The following FMNL1 variants were observed in gnomAD, a reference collection of about 807,000 sequenced individuals.
FMNL1 encodes the protein formin like 1, also known as formin-like protein 1.
A neutral mutation model predicts 121.3 loss-of-function variants in FMNL1; 43 were observed. That is an observed-to-expected ratio of 0.35 (90% CI 0.28 to 0.46). The LOEUF (loss-of-function observed/expected upper bound fraction) is 0.46. FMNL1 is among the 20% of genes least tolerant of loss of function. FMNL1 has a pLI of 1.00. For missense variants in FMNL1, 1,191 were observed against 1,482.4 expected, an observed-to-expected ratio of 0.80 and a Z score of 3.23; for synonymous variants, 613 against 613.5, an observed-to-expected ratio of 1.00 and a Z score of 0.01.
intron 10 of FMNL1, 71 bp downstream of exon 10, chr17:45,238,709 T>G: frequency 1.3e-6 from 2 of 1,586,372 alleles, no homozygotes; most frequent in Admixed American, 1.7e-5. Context: ...GCTAGGGTCC[T>G]GGGTGCTGGG....
chr17:45,236,539 G>A (rs2043554546), intron 7 of FMNL1: 2 of 282,764 alleles, frequency 7.1e-6, no homozygotes. Context: ...AGGGCCAGGG[G>A]AGAACAGCCT....
rs759433599 is a variant in FMNL1, at chr17:45,243,112, C to T, written c.2011-6C>T. The stretch of plus-strand genomic sequence containing the variant: ...CCAGCTCCGCCTCCTCACCCTGTAC[C>T]TTCAGGAGCTAGACATGAGTGATTT... On this transcript the variant is annotated splice_polypyrimidine_tract_variant and splice_region_variant and intron_variant, in intron 16 of 26. Transcript: ENST00000331495. 2.5e-6 allele frequency: 4 copies of T among 1,614,114 alleles called. No individual in the cohort carries two copies. The highest frequency in any genetic ancestry group is 3.4e-6 in the Non-Finnish European group (4 of 1,180,026).
chr17:45,233,874 TC>T lies in FMNL1; in HGVS notation c.485+145del. 7.4e-7 allele frequency: 1 copy of T among 1,347,530 alleles called. No individual in the cohort carries two copies. The highest frequency in any genetic ancestry group is 1.4e-5 in the South Asian group (1 of 71,496). 83.5% of individuals were successfully genotyped at this position (1,347,530 alleles called of 1,614,324 possible). A position where few individuals can be genotyped will look rare whatever the true frequency, so the allele number is the denominator to read the frequency against. On this transcript the variant is annotated intron_variant, in intron 5 of 26. Coordinates refer to ENST00000331495, the MANE Select transcript of FMNL1 (RefSeq NM_005892.4). This position sits in a 1 kb window ranked among gnomAD's most constrained non-coding sequence, Gnocchi z 4.1. Reference sequence around the variant, plus strand: ...CCCTCCACTTGGCCTTGAGCGATGCTCCTTCCAGAAGGCCTGCCCCCGACAG... The same window carrying T: ...CCCTCCACTTGGCCTTGAGCGATGCTCTTCCAGAAGGCCTGCCCCCGACAG...
chr17:45,232,279 C>T, intron 2 of FMNL1, 88 bp from the exon 3 acceptor site: 3 of 1,195,434 alleles, frequency 2.5e-6, no homozygotes, highest in Non-Finnish European at 3.6e-6. Context: ...CAGATCGGAG[C>T]TGAGAATGGG....
At chr17:45,244,683 G>A in intron 19 of FMNL1, 136 bp from the exon 20 acceptor site, 1 of 847,000 alleles carries the variant, frequency 1.2e-6, no homozygotes, top group Non-Finnish European at 1.9e-6. Flanking sequence ...TGGATCTGAG[G>A]GGCCTGTGCA....
In FMNL1 at chr17:45,245,968, C is replaced by T. The variant is rs534181387; in HGVS notation, c.3085C>T (p.Pro1029Ser). 1.1e-4 allele frequency: 167 copies of T among 1,557,894 alleles called. 1 individual carries two copies. In the South Asian group the frequency reaches 1.9e-3, roughly 18 times the overall value. ...CCCGGGCAAAGGGGAGCCCCCAGCA[C>T]CCAAGGTAGGCAACTGCTCCTGGGC... ...DTPGKGEPPA[P>S]KSPPKARRPQ... Residue 1029 changes from proline to serine, a missense_variant, in exon 24 of 27, where the codon CCC becomes TCC. By Grantham distance (74) the Pro-to-Ser change is moderately conservative. Around this residue, in one of 4 missense-constraint regions of FMNL1, gnomAD observed 367 missense variants for 528.6 expected, o/e 0.69. Coordinates refer to ENST00000331495, the MANE Select transcript of FMNL1 (RefSeq NM_005892.4).
intron 24 of FMNL1, 114 bp downstream of exon 24, chr17:45,246,087 C>G: frequency 6.5e-7 from 1 of 1,527,204 alleles, no homozygotes; most frequent in Non-Finnish European, 8.8e-7. Context: ...CCCCAGGAGC[C>G]TGGGATGGGA....
intron 25 of FMNL1, 83 bp downstream of exon 25, chr17:45,246,413 G>T (rs1038209688): frequency 1.2e-6 from 2 of 1,612,742 alleles, no homozygotes; most frequent in Admixed American, 3.3e-5. Flanking sequence ...TCCTCTGGGG[G>T]ACTGGCTGCC....
intron 3 of FMNL1, chr17:45,232,843 AT>A: frequency 1.9e-6 from 1 of 519,782 alleles, no homozygotes; most frequent in Non-Finnish European, 3.7e-6. Context: ...GAGAGAGAGA[AT>A]GTGTGTGTGT....
chr17:45,246,154 C>G (rs544775702), intron 24 of FMNL1, 56 bp from the exon 25 acceptor site: 9 of 1,567,846 alleles, frequency 5.7e-6, no homozygotes, highest in Non-Finnish European at 7.8e-6. Context: ...GGCAGATATT[C>G]CAGGGTTTTG....
chr17:45,234,543 A>G (rs1788659297), intron 6 of FMNL1: 1 of 343,762 alleles, frequency 2.9e-6, no homozygotes, highest in African/African-American at 2.2e-5. Flanking sequence ...GCACGCCTGT[A>G]ATCCTAGCTA....
At chr17:45,228,052 C>T (rs551216351) in intron 1 of FMNL1, among the ~76,000 whole-genome samples, 12 of 152,162 alleles carry the variant, frequency 7.9e-5, no homozygotes, top group Non-Finnish European at 1.8e-4. Context: ...CCCAGCCCCC[C>T]ATCCCATGGT....
chr17:45,247,010 C>A lies in FMNL1; in HGVS notation c.*152C>A. ...GGTGGATTCTGCAGGGGTGTGGGGC[C>A]GTGGACAGGCTGAGGCTCAAGGAAG... On this transcript the variant is annotated 3_prime_UTR_variant, in exon 27 of 27. Coordinates refer to ENST00000331495, the MANE Select transcript of FMNL1 (RefSeq NM_005892.4). The A allele has an allele frequency of 1.5e-6, 1 of 686,864 alleles. No individual in the cohort carries two copies. 42.5% of individuals were successfully genotyped at this position (686,864 alleles called of 1,614,324 possible).
intron 6 of FMNL1, chr17:45,234,909 G>T (rs898840117): frequency 6.5e-6 from 1 of 153,124 alleles, no homozygotes; most frequent in African/African-American, 2.4e-5. Context: ...GGTGGTGGTG[G>T]GTTAGGATGA....
intron 12 of FMNL1, 53 bp downstream of exon 12, chr17:45,240,678 C>T (rs2043668047): frequency 8.2e-6 from 13 of 1,578,904 alleles, no homozygotes; most frequent in African/African-American, 2.7e-5. Context: ...ACAGGGCACA[C>T]GGGCCACAGG....
chr17:45,235,567 A>G (rs1196105732), intron 6 of FMNL1, among the ~76,000 whole-genome samples: 1 of 152,232 alleles, frequency 6.6e-6, no homozygotes, highest in Non-Finnish European at 1.5e-5. Flanking sequence ...GTTCTGCAAC[A>G]ATGAAAACAT....
Position 45,243,321 on chromosome 17 carries a change from G to T in FMNL1, c.2213+1G>T. On this transcript the variant is annotated splice_donor_variant, in intron 17 of 26. Coordinates refer to ENST00000331495, the MANE Select transcript of FMNL1 (RefSeq NM_005892.4). LOFTEE classifies it high-confidence loss of function. ...AGCGCATCTGCCAAGCCATTGAGGC[G>T]TGAGTGTCCCTGTCCTGGGTTTGTG... 1 of 1,613,028 alleles carries T rather than the reference G, an allele frequency of 6.2e-7. No homozygotes were observed. The highest frequency in any genetic ancestry group is 8.5e-7 in the Non-Finnish European group (1 of 1,179,776).
chr17:45,233,828 C>T lies in FMNL1; in HGVS notation c.485+97C>T. 1.3e-6 allele frequency: 2 copies of T among 1,487,946 alleles called. No individual in the cohort carries two copies. The highest frequency in any genetic ancestry group is 2.4e-5 in the South Asian group (2 of 82,854). The allele number at this position is 1,487,946 out of a possible 1,614,324, so 92.2% of individuals were successfully genotyped here. On this transcript the variant is annotated intron_variant, in intron 5 of 26. Transcript: ENST00000331495. The surrounding 1 kb of genome is among the most constrained non-coding windows in gnomAD (Gnocchi z 4.1). ...CTCCCCTGGCCAGTTTCAAGCCAGG[C>T]AGCCCGAGCCTACCCTGGAACCCTC...
At chr17:45,236,845 C>G (rs1182717593) in intron 7 of FMNL1, among the ~76,000 whole-genome samples, 2 of 152,186 alleles carry the variant, frequency 1.3e-5, no homozygotes, top group East Asian at 1.9e-4. Context: ...GGCGTGGTGG[C>G]TCATATCTGT....
Sources: gnomAD v4.1 joint callset for allele counts (sites outside exome capture counted in the v4.1 genomes callset) on GRCh38, gnomAD v4.1.1 for gene constraint, gnomAD v4.1.1 regional missense constraint, Gnocchi (gnomAD v3.1) non-coding constraint, MANE v1.5 for transcripts, NCBI Gene and HGNC (gene_info 2026-07-23, HGNC 2026-07-21) for gene names.